SLC22A15: variants seen among roughly 807,000 people sequenced by gnomAD.
SLC22A15 encodes the protein solute carrier family 22 member 15, also known as flipt 1.
A neutral mutation model predicts 62.7 loss-of-function variants in SLC22A15; 45 were observed. The ratio of observed to expected loss-of-function variants is 0.72; its 90% CI spans 0.56 to 0.92. SLC22A15 has a LOEUF of 0.92. Ranked by LOEUF, SLC22A15 falls within the 40% of genes least tolerant of loss-of-function variation. The pLI is 0.00. For synonymous variants in SLC22A15, 264 were observed against 267.0 expected (o/e 0.99, Z 0.11); for missense variants, 622 against 665.6 (o/e 0.93, Z 0.72).
intron 8 of SLC22A15, among the ~76,000 whole-genome samples, chr1:116,049,130 A>G (rs1469545808): frequency 6.6e-6 from 1 of 152,256 alleles, no homozygotes; most frequent in Non-Finnish European, 1.5e-5. Context: ...GAAATGAGAT[A>G]GACAGCAACA....
At chr1:115,997,098 A>G (rs572102849) in intron 2 of SLC22A15, among the ~76,000 whole-genome samples, 1 of 152,242 alleles carries the variant, frequency 6.6e-6, no homozygotes, top group African/African-American at 2.4e-5. Flanking sequence ...AGTTTTAGCT[A>G]TAGGTTTTTA....
intron 5 of SLC22A15, among the ~76,000 whole-genome samples, chr1:116,027,997 C>A (rs1193167598): frequency 6.6e-6 from 1 of 152,178 alleles, no homozygotes; most frequent in African/African-American, 2.4e-5. Context: ...TCATCAAAAT[C>A]TTTGACATAA....
Position 116,028,471 on chromosome 1 carries a change from C to T in SLC22A15, c.728+1449C>T, listed in dbSNP as rs191483936. 2.6e-3 allele frequency among the ~76,000 whole-genome samples: 391 copies of T among 150,470 alleles called. 1 individual carries two copies. Among genetic ancestry groups the T allele is most frequent in the African/African-American group, 8.9e-3 (367 of 41,012 alleles). ...CCATCTTATCTGGCTTTCATCTCCCCGTTAATAGTATAATAGTAGCACCAC... is the reference window on the plus strand; with the variant it reads ...CCATCTTATCTGGCTTTCATCTCCCTGTTAATAGTATAATAGTAGCACCAC... On this transcript the variant is annotated intron_variant, in intron 5 of 11. Transcript: ENST00000369503.
chr1:116,013,818 A>T (rs2101242164), intron 2 of SLC22A15: 1 of 152,358 alleles, frequency 6.6e-6, no homozygotes, highest in East Asian at 1.9e-4. Context: ...GGCCTAATCC[A>T]TCCTGGTGGC....
At chr1:116,064,378 A>T (rs893544422) in intron 9 of SLC22A15, 58 bp from the exon 10 acceptor site, 2 of 1,303,838 alleles carry the variant, frequency 1.5e-6, no homozygotes, top group East Asian at 2.3e-5. Flanking sequence ...CTGCCCCCCA[A>T]GGGTCTCTTA....
In SLC22A15 at chr1:116,044,324, G is replaced by A. The variant is rs1657872020; in HGVS notation, c.1171+6936G>A. On this transcript the variant is annotated intron_variant, in intron 8 of 11. Transcript: ENST00000369503. ...CATTTAAAAGCCAATTAGTGGCCAG[G>A]TGCTTTGGCTTACGCCTGTAATCCT... Among the ~76,000 whole-genome samples the A allele has an allele frequency of 2.0e-5, 3 of 152,228 alleles. No individual in the cohort carries two copies. In the South Asian group the frequency reaches 6.2e-4, roughly 32 times the overall value.
intron 2 of SLC22A15, among the ~76,000 whole-genome samples, chr1:116,005,477 C>A (rs1655929794): frequency 6.6e-6 from 1 of 152,026 alleles, no homozygotes; most frequent in African/African-American, 2.4e-5. Context: ...GAAAGCAAAT[C>A]CCAGACCAAA....
At chr1:115,983,896 T>C (rs1440860273) in intron 1 of SLC22A15, among the ~76,000 whole-genome samples, 1 of 152,140 alleles carries the variant, frequency 6.6e-6, no homozygotes, top group Non-Finnish European at 1.5e-5. Flanking sequence ...ACAGCTGCTC[T>C]TTCACTTTCA....
At chr1:115,994,315 A>G (rs527880742) in intron 2 of SLC22A15, among the ~76,000 whole-genome samples, 1 of 152,314 alleles carries the variant, frequency 6.6e-6, no homozygotes, top group East Asian at 1.9e-4. Context: ...AAGTAATTCT[A>G]TGAGGTAGGA....
At position 116,035,259 on chromosome 1, in the gene SLC22A15, C is replaced by T. The variant is rs527336208; in HGVS notation, c.1017C>T (p.Asn339=). 6.2e-7 allele frequency: 1 copy of T among 1,613,400 alleles called. No individual in the cohort carries two copies. The highest frequency in any genetic ancestry group is 1.3e-5 in the African/African-American group (1 of 74,998). Residue 339 remains asparagine, a synonymous_variant, in exon 7 of 12, where the codon AAC becomes AAT. Transcript: ENST00000369503. ...ATCTAGGTGGAAGTATTTATGCCAA[C>T]CTGGCCCTGTCTGGCCTCATAGAGA... ...AGDLGGSIYA[N]LALSGLIEIP... is the part of the protein sequence containing the mutation.
At chr1:116,007,050 G>T in intron 2 of SLC22A15, among the ~76,000 whole-genome samples, 1 of 152,166 alleles carries the variant, frequency 6.6e-6, no homozygotes, top group South Asian at 2.1e-4. Flanking sequence ...ATAATTATAC[G>T]TTTCTAAATA....
intron 8 of SLC22A15, among the ~76,000 whole-genome samples, chr1:116,061,502 G>T (rs937932068): frequency 6.6e-6 from 1 of 152,132 alleles, no homozygotes; most frequent in Non-Finnish European, 1.5e-5. Context: ...AAGCCAGATT[G>T]TAGTAAGTTG....
intron 2 of SLC22A15, among the ~76,000 whole-genome samples, chr1:116,000,386 C>G (rs958861935): frequency 5.9e-5 from 9 of 152,082 alleles, no homozygotes; most frequent in Admixed American, 5.9e-4. Flanking sequence ...AAAGTCTACA[C>G]TTTAGCTTCA....
chr1:115,992,127 G>T lies in SLC22A15; in HGVS notation c.184G>T (p.Gly62Cys), dbSNP rs767882041. The T allele has an allele frequency of 6.2e-7, 1 of 1,613,836 alleles. No individual in the cohort carries two copies. The highest frequency in any genetic ancestry group is 8.5e-7 in the Non-Finnish European group (1 of 1,179,840). ...LAELLPNQSHGNQSAGEDQAF... is the reference protein window; with the variant it reads ...LAELLPNQSHCNQSAGEDQAF... ...AGAGCTCCTGCCAAATCAGAGCCAC[G>T]GTAACCAGTCAGCTGGTGAAGACCA... Residue 62 changes from glycine (G) to cysteine (C), a missense_variant, in exon 2 of 12, where the codon GGT (glycine) becomes TGT (cysteine). Coordinates refer to ENST00000369503, the MANE Select transcript of SLC22A15 (RefSeq NM_018420.3).
chr1:116,032,736 C>T, intron 6 of SLC22A15: 1 of 677,060 alleles, frequency 1.5e-6, no homozygotes, highest in Non-Finnish European at 1.8e-6. Flanking sequence ...AAAGCCAAAC[C>T]TGACAACACA....
At chr1:116,061,157 C>T (rs1337452266) in intron 8 of SLC22A15, among the ~76,000 whole-genome samples, 3 of 152,040 alleles carry the variant, frequency 2.0e-5, no homozygotes, top group African/African-American at 4.8e-5. Flanking sequence ...TTGAGGAACA[C>T]GAATACAAGG....
Position 115,992,182 on chromosome 1 carries a change from A to G in SLC22A15, c.239A>G (p.Asn80Ser), listed in dbSNP as rs1414743278. 3 of 1,611,100 alleles carry G rather than the reference A, an allele frequency of 1.9e-6. No homozygotes were observed. Among genetic ancestry groups the G allele is most frequent in the East Asian group, 2.2e-5 (1 of 44,810 alleles). ...QAFGDWLLTA[N>S]GSEIHKHVHF... ...TTTGGGGACTGGCTCCTGACAGCCA[A>G]CGGCAGTGAGATCCATAAGCACGTG... The change falls in exon 2 of 12, where the codon AAC becomes AGC. Residue 80 changes from asparagine (N) to serine (S), a missense_variant. Transcript: ENST00000369503.
intron 2 of SLC22A15, among the ~76,000 whole-genome samples, chr1:115,996,656 T>G (rs1640250979): frequency 6.6e-6 from 1 of 152,070 alleles, no homozygotes; most frequent in African/African-American, 2.4e-5. Flanking sequence ...ATTGCTAGTA[T>G]AGATAAATAT....
At chr1:116,025,104 C>T (rs895881985) in intron 4 of SLC22A15, among the ~76,000 whole-genome samples, 3 of 151,960 alleles carry the variant, frequency 2.0e-5, no homozygotes, top group Admixed American at 2.0e-4. Context: ...TCTGTTTCAC[C>T]AATAAGAAAA....
Sources: gnomAD v4.1 joint callset for allele counts (sites outside exome capture counted in the v4.1 genomes callset) on GRCh38, gnomAD v4.1.1 for gene constraint, MANE v1.5 for transcripts, NCBI Gene and HGNC (gene_info 2026-07-23, HGNC 2026-07-21) for gene names.